DNAH14: variants seen among roughly 807,000 people sequenced by gnomAD.
DNAH14 encodes the protein axonemal beta dynein heavy chain 14.
A neutral mutation model predicts 520.9 loss-of-function variants in DNAH14; 478 were observed. That is an observed-to-expected ratio of 0.92 (90% CI 0.85 to 0.99). DNAH14 has a LOEUF of 0.99. DNAH14 is among the 50% of genes least tolerant of loss of function. DNAH14 has a pLI of 0.00. For missense variants in DNAH14, 4,831 were observed against 5,234.5 expected, an observed-to-expected ratio of 0.92 and a Z score of 2.38; for synonymous variants, 1,581 against 1,757.2, an observed-to-expected ratio of 0.90 and a Z score of 2.51.
Position 225,333,327 on chromosome 1 carries a change from A to C in DNAH14, c.9901A>C (p.Lys3301Gln), listed in dbSNP as rs1243426602. Residue 3301 changes from lysine to glutamine, a missense_variant, in exon 66 of 86, where the codon AAA (lysine) becomes CAA (glutamine). Physicochemically the swap from Lys to Gln is moderately conservative, Grantham distance 53 (BLOSUM62 1). Transcript: ENST00000682510. ...AGAAACAATCAATCAAATAGATAAC[A>C]AATTAGAAGGAATTTTGGGTGACAT... Reference protein sequence around the residue: ...WQETINQIDNKLEGILGDILL... With the variant: ...WQETINQIDNQLEGILGDILL... 1 of 1,551,698 alleles carries C rather than the reference A, an allele frequency of 6.4e-7. No homozygotes were observed. Among genetic ancestry groups the C allele is most frequent in the Non-Finnish European group, 8.7e-7 (1 of 1,146,870 alleles).
rs933318604 is a variant in DNAH14 at position 225,185,217 on chromosome 1, A to G, written c.5536-74A>G. The G allele has an allele frequency of 2.8e-6, 4 of 1,414,238 alleles. No homozygotes were observed. In the African/African-American group the frequency reaches 6.0e-5, roughly 21 times the overall value. The allele number at this position is 1,414,238 out of a possible 1,614,324, so 87.6% of individuals were successfully genotyped here. A position where few individuals can be genotyped will look rare whatever the true frequency, so the allele number is the denominator to read the frequency against. On this transcript the variant is annotated intron_variant, in intron 36 of 85. Coordinates refer to ENST00000682510, the MANE Select transcript of DNAH14 (RefSeq NM_001367479.1). Reference sequence around the variant, plus strand: ...ATAGCCACAAAAAATAAAATAGTCAATGGATATAGAGATATATTGGTTAAT... The same window carrying G: ...ATAGCCACAAAAAATAAAATAGTCAGTGGATATAGAGATATATTGGTTAAT...
intron 35 of DNAH14, among the ~76,000 whole-genome samples, chr1:225,167,103 A>G (rs2082106987): frequency 6.6e-6 from 1 of 152,188 alleles, no homozygotes; most frequent in Admixed American, 6.5e-5. Context: ...CATCAATTCC[A>G]CTTAAGAGAG....
chr1:225,335,178 T>C (rs545369641), intron 66 of DNAH14, among the ~76,000 whole-genome samples: 12 of 139,106 alleles, frequency 8.6e-5, no homozygotes, highest in Non-Finnish European at 2.0e-4. Flanking sequence ...TGTGTACATG[T>C]GCGCATGTGT....
At chr1:225,097,610 C>T (rs1385758777) in intron 22 of DNAH14, among the ~76,000 whole-genome samples, 1 of 151,760 alleles carries the variant, frequency 6.6e-6, no homozygotes, top group South Asian at 2.1e-4. Flanking sequence ...CCTGTCTTTA[C>T]TAAACATACA....
At chr1:224,944,183 A>G (rs2059628684) in intron 1 of DNAH14, among the ~76,000 whole-genome samples, 1 of 152,174 alleles carries the variant, frequency 6.6e-6, no homozygotes, top group African/African-American at 2.4e-5. Flanking sequence ...GTGCTCCTGT[A>G]TTGGCTGCAT....
At chr1:225,318,798 T>A in intron 61 of DNAH14, 121 bp downstream of exon 61, 1 of 969,812 alleles carries the variant, frequency 1.0e-6, no homozygotes, top group Non-Finnish European at 1.5e-6. Flanking sequence ...TTCTTAATCT[T>A]GGTTTAAGAT....
At chr1:225,224,988 T>A (rs139389701) in intron 41 of DNAH14, among the ~76,000 whole-genome samples, 1 of 152,292 alleles carries the variant, frequency 6.6e-6, no homozygotes, top group Non-Finnish European at 1.5e-5. Context: ...ATCACACATA[T>A]TGGACCCCAC....
chr1:225,058,140 G>T (rs886940324), intron 17 of DNAH14, among the ~76,000 whole-genome samples: 1 of 152,132 alleles, frequency 6.6e-6, no homozygotes, highest in African/African-American at 2.4e-5. Flanking sequence ...GTAGAATTCG[G>T]CTGTGAAACC....
chr1:224,985,816 G>A (rs1051726846), intron 8 of DNAH14, among the ~76,000 whole-genome samples: 1 of 151,760 alleles, frequency 6.6e-6, no homozygotes, highest in Non-Finnish European at 1.5e-5. Flanking sequence ...GCAGAAGAAA[G>A]AATTGGTGAG....
intron 39 of DNAH14, among the ~76,000 whole-genome samples, chr1:225,205,191 A>G (rs780033774): frequency 8.5e-5 from 13 of 152,116 alleles, no homozygotes; most frequent in Non-Finnish European, 1.8e-4. Flanking sequence ...TCCAAAATCC[A>G]TGTGTTGAAA....
intron 37 of DNAH14, among the ~76,000 whole-genome samples, chr1:225,187,426 T>C (rs1227888597): frequency 1.3e-5 from 2 of 151,822 alleles, no homozygotes; most frequent in Admixed American, 6.6e-5. Context: ...TTCTACCTTT[T>C]GGATGCAATG....
At chr1:225,226,340 T>C (rs1347172149) in intron 41 of DNAH14, among the ~76,000 whole-genome samples, 1 of 152,186 alleles carries the variant, frequency 6.6e-6, no homozygotes, top group Non-Finnish European at 1.5e-5. Context: ...TTATAAAAGT[T>C]CTAACCTTTA....
Position 225,259,135 on chromosome 1 carries a change from G to T in DNAH14, c.7039G>T (p.Gly2347Trp). ...PVLLTGESGV[G>W]KTAAINQMLE... ...TTTTCCCTTAGGAGAATCTGGTGTTGGGAAAACTGCTGCCATTAATCAAAT... is the reference window on the plus strand; with the variant it reads ...TTTTCCCTTAGGAGAATCTGGTGTTTGGAAAACTGCTGCCATTAATCAAAT... Residue 2347 changes from glycine to tryptophan, a missense_variant, in exon 46 of 86, where the codon GGG becomes TGG. Physicochemically the swap from Gly to Trp is radical, Grantham distance 184. Coordinates refer to ENST00000682510, the MANE Select transcript of DNAH14 (RefSeq NM_001367479.1). 3 of 1,542,038 alleles carry T rather than the reference G, an allele frequency of 1.9e-6. No individual in the cohort carries two copies. Among genetic ancestry groups the T allele is most frequent in the Non-Finnish European group, 2.6e-6 (3 of 1,144,322 alleles).
rs547145714 is a variant in DNAH14, at chr1:225,057,639, C to T, written c.2424+5844C>T. Reference sequence around the variant, plus strand: ...AAAGGGAATGCTTCCAGTTTTTGCCCATTCAGTATGATATTGGCTGTGGGT... The same window carrying T: ...AAAGGGAATGCTTCCAGTTTTTGCCTATTCAGTATGATATTGGCTGTGGGT... On this transcript the variant is annotated intron_variant, in intron 17 of 85. Coordinates refer to ENST00000682510, the MANE Select transcript of DNAH14 (RefSeq NM_001367479.1). Among the ~76,000 whole-genome samples the T allele has an allele frequency of 3.8e-4, 58 of 152,258 alleles. 2 individuals are homozygous for T. The South Asian group carries it at 9.7e-3, about 26-fold the overall frequency.
chr1:225,151,768 C>T, intron 31 of DNAH14: 1 of 626,852 alleles, frequency 1.6e-6, no homozygotes, highest in Middle Eastern at 3.9e-4. Context: ...AGCCTCAGGT[C>T]CCAGAAACAT....
chr1:225,013,345 G>A (rs2064954214), intron 10 of DNAH14, among the ~76,000 whole-genome samples: 1 of 150,574 alleles, frequency 6.6e-6, no homozygotes, highest in South Asian at 2.1e-4. Flanking sequence ...TGGAAGCTTT[G>A]TCTCAGGGGG....
chr1:225,317,444 A>G (rs553479233), intron 60 of DNAH14, among the ~76,000 whole-genome samples: 55 of 151,990 alleles, frequency 3.6e-4, no homozygotes, highest in Non-Finnish European at 5.7e-4. Context: ...TTAATTATAT[A>G]TATGTAAATA....
At chr1:225,386,152 G>A (rs2095839132) in intron 81 of DNAH14, among the ~76,000 whole-genome samples, 1 of 152,192 alleles carries the variant, frequency 6.6e-6, no homozygotes, top group Non-Finnish European at 1.5e-5. Context: ...TTTAATAAAT[G>A]GTGCTGGGAA....
At chr1:225,204,159 A>T in intron 38 of DNAH14, 24 bp from the exon 39 acceptor site, 1 of 1,236,808 alleles carries the variant, frequency 8.1e-7, no homozygotes. Flanking sequence ...TAAAAATTTA[A>T]ACATTATTGA....
Sources: allele counts gnomAD v4.1 joint callset (sites outside exome capture counted in the v4.1 genomes callset), GRCh38; gene constraint gnomAD v4.1.1; transcripts MANE v1.5; gene names NCBI Gene and HGNC (gene_info 2026-07-23, HGNC 2026-07-21).